TENM3: variants seen among roughly 807,000 people sequenced by gnomAD.
TENM3 encodes teneurin transmembrane protein 3, also known as teneurin-3.
Under a neutral mutation model 255.1 loss-of-function variants are expected in TENM3, and 63 were observed. That is an observed-to-expected ratio of 0.25 (90% CI 0.20 to 0.30). The LOEUF (loss-of-function observed/expected upper bound fraction) is 0.30, where lower values mean the gene tolerates loss of function less well. Among genes scored for constraint, TENM3 ranks in the 10% least tolerant of loss-of-function variants. The probability of loss-of-function intolerance (pLI) is 1.00; values close to 1 mark genes in which losing one functional copy is unlikely to be tolerated. For missense variants in TENM3, 2,929 were observed against 3,461.1 expected (o/e 0.85, Z 3.86); for synonymous variants, 1,306 against 1,322.3 (o/e 0.99, Z 0.27).
At position 182,773,505 on chromosome 4, in the gene TENM3, G is replaced by A. The variant is rs553027204; in HGVS notation, c.4926G>A (p.Thr1642=). ...GTGAAGGTCGTCTGACAAATGTTAC[G>A]TTTCCAACTGGAGTGGTCACAAACC... The part of the protein sequence containing the change: ...YDSEGRLTNV[T]FPTGVVTNLH... The change falls in exon 23 of 28, where the codon ACG becomes ACA. Residue 1642 remains threonine, a synonymous_variant. Transcript: ENST00000511685. The A allele has an allele frequency of 2.7e-5, 44 of 1,612,968 alleles. No homozygotes were observed. The highest frequency in any genetic ancestry group is 1.8e-4 in the Admixed American group (11 of 59,822).
At chr4:182,005,956 A>G in the TENM3 span, among the ~76,000 whole-genome samples, 1 of 151,662 alleles carries the variant, frequency 6.6e-6, no homozygotes, top group South Asian at 2.1e-4. Flanking sequence ...TTATCAGTTC[A>G]AGTTTTTGGG....
chr4:182,368,844 T>C (rs530869876), intron 3 of TENM3, among the ~76,000 whole-genome samples: 1 of 152,334 alleles, frequency 6.6e-6, no homozygotes, highest in African/African-American at 2.4e-5. Flanking sequence ...GGCAAGATTC[T>C]CTTCAGAAGC....
intron 1 of TENM3, among the ~76,000 whole-genome samples, chr4:182,267,379 T>C (rs1759308767): frequency 6.6e-6 from 1 of 152,208 alleles, no homozygotes; most frequent in Non-Finnish European, 1.5e-5. Flanking sequence ...CAGGACACAA[T>C]TGGAAAAAGT....
the TENM3 span, among the ~76,000 whole-genome samples, chr4:181,559,980 T>C: frequency 6.6e-6 from 1 of 152,270 alleles, no homozygotes; most frequent in Non-Finnish European, 1.5e-5. Flanking sequence ...TTAAATGTCA[T>C]GGCCTTCATT....
chr4:182,312,504 A>C (rs776167333), intron 1 of TENM3, among the ~76,000 whole-genome samples: 3 of 152,222 alleles, frequency 2.0e-5, no homozygotes, highest in Non-Finnish European at 2.9e-5. Context: ...ATCTGGAGTG[A>C]TATCAAACTG....
At chr4:181,525,619 C>A in the TENM3 span, among the ~76,000 whole-genome samples, 2 of 152,016 alleles carry the variant, frequency 1.3e-5, no homozygotes, top group African/African-American at 2.4e-5. Context: ...CTGTAATAAC[C>A]CTTTGCCTGT....
chr4:182,434,029 C>T (rs1254282950), intron 3 of TENM3, among the ~76,000 whole-genome samples: 1 of 151,628 alleles, frequency 6.6e-6, no homozygotes, highest in Non-Finnish European at 1.5e-5. Flanking sequence ...CAGAAGGATC[C>T]TTTGAATTTA....
Position 182,247,678 on chromosome 4 carries a change from C to G in TENM3, c.-76+4202C>G, listed in dbSNP as rs566183224. 1.2e-4 allele frequency among the ~76,000 whole-genome samples: 18 copies of G among 152,250 alleles called. 1 individual carries two copies. The South Asian group carries it at 3.7e-3, about 32-fold the overall frequency. On this transcript the variant is annotated intron_variant, in intron 1 of 27. Coordinates refer to ENST00000511685, the MANE Select transcript of TENM3 (RefSeq NM_001080477.4). Reference sequence around the variant, plus strand: ...GCTCAGTCAGTGTTTACTGAAATGACAAATAAGTAAATCGCAGTAGCAACT... The same window carrying G: ...GCTCAGTCAGTGTTTACTGAAATGAGAAATAAGTAAATCGCAGTAGCAACT...
At chr4:182,586,423 A>C (rs1746028509) in intron 3 of TENM3, among the ~76,000 whole-genome samples, 1 of 152,206 alleles carries the variant, frequency 6.6e-6, no homozygotes, top group Non-Finnish European at 1.5e-5. Context: ...TCAGTGTACC[A>C]TCCTGCCTTT....
At chr4:182,374,159 G>A (rs1037960689) in intron 3 of TENM3, among the ~76,000 whole-genome samples, 1 of 151,998 alleles carries the variant, frequency 6.6e-6, no homozygotes, top group African/African-American at 2.4e-5. Context: ...TCATTATTCT[G>A]GGCAGTCCAT....
intron 1 of TENM3, among the ~76,000 whole-genome samples, chr4:182,305,656 C>A (rs1017088926): frequency 2.6e-5 from 4 of 152,192 alleles, no homozygotes; most frequent in African/African-American, 9.7e-5. Flanking sequence ...CCCGGTTACA[C>A]GCCTCTACTT....
chr4:182,784,210 G>A (rs1765418072), intron 24 of TENM3, among the ~76,000 whole-genome samples: 4 of 152,070 alleles, frequency 2.6e-5, no homozygotes, highest in African/African-American at 4.8e-5. Flanking sequence ...CTTTGATGAC[G>A]GTGATGTACA....
the TENM3 span, among the ~76,000 whole-genome samples, chr4:181,754,569 A>G: frequency 6.6e-6 from 1 of 152,308 alleles, no homozygotes; most frequent in Middle Eastern, 3.4e-3. Context: ...TTCAATAGAA[A>G]GTGCCGTTAA....
At chr4:182,588,431 G>A (rs1225176968) in intron 3 of TENM3, among the ~76,000 whole-genome samples, 2 of 151,992 alleles carry the variant, frequency 1.3e-5, no homozygotes, top group Non-Finnish European at 2.9e-5. Flanking sequence ...CTTCCACCCT[G>A]TCCTTATCTA....
the TENM3 span, among the ~76,000 whole-genome samples, chr4:181,929,002 C>T: frequency 6.6e-6 from 1 of 152,128 alleles, no homozygotes; most frequent in Non-Finnish European, 1.5e-5. Context: ...CACCACTAGG[C>T]CTACCTTACA....
chr4:182,513,003 A>T (rs2151730084), intron 3 of TENM3, among the ~76,000 whole-genome samples: 1 of 152,304 alleles, frequency 6.6e-6, no homozygotes, highest in Non-Finnish European at 1.5e-5. Context: ...ACGTTTTGGC[A>T]TTTTGAGTCA....
At chr4:181,693,970 G>C in the TENM3 span, among the ~76,000 whole-genome samples, 1 of 152,126 alleles carries the variant, frequency 6.6e-6, no homozygotes, top group African/African-American at 2.4e-5. Context: ...AAAATCTGTA[G>C]TCAGAATACC....
At chr4:181,570,401 T>G in the TENM3 span, among the ~76,000 whole-genome samples, 1 of 151,934 alleles carries the variant, frequency 6.6e-6, no homozygotes, top group African/African-American at 2.4e-5. Context: ...CTCAGGAGGC[T>G]GAGTTGGGAG....
the TENM3 span, among the ~76,000 whole-genome samples, chr4:181,758,546 G>C: frequency 1.3e-5 from 2 of 152,116 alleles, no homozygotes; most frequent in East Asian, 3.9e-4. Context: ...TTTTCCGAAG[G>C]GCTTACGCTA....
Sources: gnomAD v4.1 joint callset for allele counts (sites outside exome capture counted in the v4.1 genomes callset) on GRCh38, gnomAD v4.1.1 for gene constraint, MANE v1.5 for transcripts, NCBI Gene and HGNC (gene_info 2026-07-23, HGNC 2026-07-21) for gene names.